Variants in ZNF727 observed in about 807,000 individuals in gnomAD.
The protein encoded by ZNF727 is zinc finger protein 727.
ZNF727 carries 11 observed loss-of-function variants against 11.5 expected under a neutral mutation model. The ratio of observed to expected loss-of-function variants is 0.95; its 90% CI spans 0.60 to 1.58. The LOEUF is 1.58. Ranked by LOEUF, ZNF727 falls within the 40% of genes most tolerant of loss-of-function variation. The pLI is 0.00. For synonymous variants in ZNF727, 171 were observed against 196.1 expected (o/e 0.87, Z 1.07); for missense variants, 533 against 581.7 (o/e 0.92, Z 0.86).
intron 1 of ZNF727, among the ~76,000 whole-genome samples, chr7:64,056,991 A>G (rs551899984): frequency 1.8e-4 from 28 of 152,256 alleles, no homozygotes; most frequent in African/African-American, 6.3e-4. Flanking sequence ...CATTTTCCTC[A>G]AAACATGTAA....
At chr7:64,077,229 C>T (rs752218989) in intron 3 of ZNF727, 47 bp from the exon 4 acceptor site, 2 of 1,457,374 alleles carry the variant, frequency 1.4e-6, no homozygotes, top group Admixed American at 5.6e-5. Flanking sequence ...GTGTATTCAC[C>T]TAAGTCTGAT....
At chr7:64,064,193 A>G (rs1468703868) in intron 1 of ZNF727, among the ~76,000 whole-genome samples, 1 of 152,144 alleles carries the variant, frequency 6.6e-6, no homozygotes, top group Non-Finnish European at 1.5e-5. Flanking sequence ...TTCCTCAAGC[A>G]GCAGTCTCTC....
chr7:64,063,343 C>T (rs987478285), intron 1 of ZNF727, among the ~76,000 whole-genome samples: 2 of 152,114 alleles, frequency 1.3e-5, no homozygotes, highest in African/African-American at 4.8e-5. Context: ...AGGGGACACC[C>T]CAACCTGAAT....
At chr7:64,051,462 GA>G (rs1420960247) in intron 1 of ZNF727, among the ~76,000 whole-genome samples, 1 of 151,890 alleles carries the variant, frequency 6.6e-6, no homozygotes, top group African/African-American at 2.4e-5. Flanking sequence ...TAAAACAGGA[GA>G]AAAAAAGCTG....
chr7:64,056,052 A>G (rs1789681390), intron 1 of ZNF727, among the ~76,000 whole-genome samples: 2 of 152,040 alleles, frequency 1.3e-5, no homozygotes, highest in Non-Finnish European at 2.9e-5. Flanking sequence ...TTGCTCTTTT[A>G]GGGATTATGT....
rs190577705 is a variant in ZNF727, at chr7:64,083,795, G to A, written c.*5246G>A. On this transcript the variant is annotated 3_prime_UTR_variant, in exon 4 of 4. Coordinates refer to ENST00000456806, the MANE Select transcript of ZNF727 (RefSeq NM_001159522.3). ...CCTGCCTTGCTTTACTCCATTCTCC[G>A]TAAGTTAAGTTGTTTCTTTCATTAG... is the stretch of plus-strand genomic sequence containing the variant. Among the ~76,000 whole-genome samples the A allele has an allele frequency of 4.6e-5, 7 of 152,230 alleles. No individual in the cohort carries two copies. The highest frequency in any genetic ancestry group is 5.9e-5 in the Non-Finnish European group (4 of 68,026).
rs1785784693 is a variant in ZNF727, at chr7:64,081,104, A to G, written c.*2555A>G. 6.6e-6 allele frequency among the ~76,000 whole-genome samples: 1 copy of G among 151,832 alleles called. No homozygotes were observed. The highest frequency in any genetic ancestry group is 6.6e-5 in the Admixed American group (1 of 15,238). Reference sequence around the variant, plus strand: ...CAGCTGCTGCAGAGTGCTAGTGGATATGGGGTTTCTGCCTGTCTTTGGGTA... The same window carrying G: ...CAGCTGCTGCAGAGTGCTAGTGGATGTGGGGTTTCTGCCTGTCTTTGGGTA... On this transcript the variant is annotated 3_prime_UTR_variant, in exon 4 of 4. Transcript: ENST00000456806.
chr7:64,071,685 T>G (rs771862260), intron 3 of ZNF727, among the ~76,000 whole-genome samples: 1 of 152,132 alleles, frequency 6.6e-6, no homozygotes, highest in Non-Finnish European at 1.5e-5. Flanking sequence ...TATTAAGGTT[T>G]TAAACTATGT....
intron 1 of ZNF727, among the ~76,000 whole-genome samples, chr7:64,052,727 G>A (rs977051031): frequency 6.6e-6 from 1 of 152,192 alleles, no homozygotes; most frequent in African/African-American, 2.4e-5. Context: ...CAGGAGGGGG[G>A]CTATACCCTG....
At position 64,046,518 on chromosome 7, in the gene ZNF727, G is replaced by A. The variant is rs146660770; in HGVS notation, c.3+894G>A. On this transcript the variant is annotated intron_variant, in intron 1 of 3. Transcript: ENST00000456806. ...CCTCTCGATAGTGACTGAGTTCCCT[G>A]AAGTTCTTATTTAAAAGTGTATAGC... is the stretch of plus-strand genomic sequence containing the variant. Among the ~76,000 whole-genome samples the A allele has an allele frequency of 4.1e-4, 62 of 152,280 alleles. 1 individual carries two copies. The highest frequency in any genetic ancestry group is 1.4e-3 in the African/African-American group (58 of 41,552).
chr7:64,061,859 G>A (rs1837342), intron 1 of ZNF727, among the ~76,000 whole-genome samples: 79,600 of 149,322 alleles, frequency 0.53, 22,313 homozygotes, highest in Non-Finnish European at 0.64. Flanking sequence ...ATGTATGTGT[G>A]TCTATTATAA....
chr7:64,072,673 G>T (rs1381417858), intron 3 of ZNF727, among the ~76,000 whole-genome samples: 2 of 152,146 alleles, frequency 1.3e-5, no homozygotes, highest in Non-Finnish European at 2.9e-5. Flanking sequence ...ATGGCTGGAA[G>T]GAGCCGGAGA....
Position 64,083,351 on chromosome 7 carries a change from A to G in ZNF727, c.*4802A>G, listed in dbSNP as rs376655091. Among the ~76,000 whole-genome samples the G allele has an allele frequency of 1.3e-5, 2 of 152,140 alleles. No individual in the cohort carries two copies. Among genetic ancestry groups the G allele is most frequent in the East Asian group, 3.8e-4 (2 of 5,198 alleles). The stretch of plus-strand genomic sequence containing the variant: ...CCAGGGAGGTACCGTACTGCTACCA[A>G]TGGTTGGCTGGAATTTTAAGCCAGT... On this transcript the variant is annotated 3_prime_UTR_variant, in exon 4 of 4. Transcript: ENST00000456806.
intron 1 of ZNF727, among the ~76,000 whole-genome samples, chr7:64,048,246 G>A (rs2116262470): frequency 6.6e-6 from 1 of 152,150 alleles, no homozygotes; most frequent in South Asian, 2.1e-4. Flanking sequence ...AAAAAAAATA[G>A]TTTATATTCC....
At chr7:64,071,012 C>T (rs1212342575) in intron 3 of ZNF727, among the ~76,000 whole-genome samples, 21 of 151,596 alleles carry the variant, frequency 1.4e-4, no homozygotes, top group African/African-American at 4.8e-4. Flanking sequence ...TTTTTTTGTG[C>T]AGTCAGTTTC....
intron 1 of ZNF727, among the ~76,000 whole-genome samples, chr7:64,066,563 AGG>A (rs1789872777): frequency 2.0e-5 from 3 of 152,198 alleles, no homozygotes; most frequent in Non-Finnish European, 4.4e-5. Context: ...AGGATTCCCT[AGG>A]TAATAAATGG....
chr7:64,080,980 T>G lies in ZNF727; in HGVS notation c.*2431T>G, dbSNP rs1002161539. Among the ~76,000 whole-genome samples, 1 of 151,404 alleles carries G rather than the reference T, an allele frequency of 6.6e-6. No individual in the cohort carries two copies. Among genetic ancestry groups the G allele is most frequent in the Middle Eastern group, 3.4e-3 (1 of 294 alleles). ...TAAATGCTCAGCTCACAACTTAGAGTCTGCATACTCTAACTCTGGGGGAGT... is the reference window on the plus strand; with the variant it reads ...TAAATGCTCAGCTCACAACTTAGAGGCTGCATACTCTAACTCTGGGGGAGT... On this transcript the variant is annotated 3_prime_UTR_variant, in exon 4 of 4. Coordinates refer to ENST00000456806, the MANE Select transcript of ZNF727 (RefSeq NM_001159522.3).
At chr7:64,063,791 T>G (rs370371695) in intron 1 of ZNF727, among the ~76,000 whole-genome samples, 1 of 152,042 alleles carries the variant, frequency 6.6e-6, no homozygotes, top group East Asian at 1.9e-4. Flanking sequence ...GCCTTAGGAA[T>G]CTACTTGGTG....
At chr7:64,050,774 GTA>G (rs1284015033) in intron 1 of ZNF727, among the ~76,000 whole-genome samples, 54 of 65,022 alleles carry the variant, frequency 8.3e-4, no homozygotes, top group Non-Finnish European at 1.5e-3. Flanking sequence ...GTATGCATAT[GTA>G]TGTGTGTGTG....
Sources: gnomAD v4.1 joint callset for allele counts (sites outside exome capture counted in the v4.1 genomes callset) on GRCh38, gnomAD v4.1.1 for gene constraint, MANE v1.5 for transcripts, NCBI Gene and HGNC (gene_info 2026-07-23, HGNC 2026-07-21) for gene names.